Variants in STPG2 observed in about 807,000 individuals in gnomAD.
The protein encoded by STPG2 is sperm-tail PG-rich repeat-containing protein 2.
Under a neutral mutation model 54.2 loss-of-function variants are expected in STPG2, and 56 were observed. The observed-to-expected ratio is 1.03, with a 90% CI of 0.83 to 1.29. STPG2 has a LOEUF of 1.29. STPG2 is among the 50% of genes most tolerant of loss of function. The probability of loss-of-function intolerance (pLI) is 0.00; values close to 1 mark genes in which losing one functional copy is unlikely to be tolerated. For synonymous variants in STPG2, 200 were observed against 181.8 expected (o/e 1.10, Z -0.81); for missense variants, 596 against 544.9 (o/e 1.09, Z -0.93).
At chr4:98,117,153 T>C (rs999144763) in intron 3 of STPG2, among the ~76,000 whole-genome samples, 1 of 151,974 alleles carries the variant, frequency 6.6e-6, no homozygotes, top group Admixed American at 6.6e-5. Flanking sequence ...TCAGCTTCCA[T>C]TTATCTGAAA....
intron 8 of STPG2, among the ~76,000 whole-genome samples, chr4:97,914,285 A>G (rs1352525384): frequency 3.9e-5 from 6 of 152,312 alleles, no homozygotes; most frequent in South Asian, 2.1e-4. Context: ...CTGAAGCCCA[A>G]TTGAAAACAT....
intron 8 of STPG2, among the ~76,000 whole-genome samples, chr4:97,938,285 C>T (rs1732824717): frequency 6.6e-6 from 1 of 152,218 alleles, no homozygotes; most frequent in Non-Finnish European, 1.5e-5. Flanking sequence ...ATGGCTGCTG[C>T]CCAGCACCCC....
chr4:97,542,114 G>C (rs1042521541), intron 4 of STPG2, among the ~76,000 whole-genome samples: 3 of 152,118 alleles, frequency 2.0e-5, no homozygotes, highest in Non-Finnish European at 4.4e-5. Context: ...AGCCAAAATT[G>C]ACAAATGGGA....
chr4:98,083,331 A>T (rs1378785276), intron 5 of STPG2, among the ~76,000 whole-genome samples: 1 of 152,218 alleles, frequency 6.6e-6, no homozygotes, highest in Non-Finnish European at 1.5e-5. Context: ...ATCAGAATTA[A>T]TTTTTTCCAA....
intron 10 of STPG2, among the ~76,000 whole-genome samples, chr4:97,683,617 C>G (rs573899623): frequency 1.3e-5 from 2 of 151,342 alleles, no homozygotes; most frequent in East Asian, 3.9e-4. Flanking sequence ...TGGGAAGCTC[C>G]TCAACTTGAA....
At chr4:98,104,528 A>C (rs1739134337) in intron 5 of STPG2, among the ~76,000 whole-genome samples, 1 of 152,070 alleles carries the variant, frequency 6.6e-6, no homozygotes, top group African/African-American at 2.4e-5. Context: ...CAAATCTTCA[A>C]TTTTAAGCAA....
intron 9 of STPG2, among the ~76,000 whole-genome samples, chr4:97,757,051 C>T (rs1686246695): frequency 6.6e-6 from 1 of 151,972 alleles, no homozygotes. Flanking sequence ...CATTTAAAGC[C>T]CCCTGAACTT....
intron 4 of STPG2, among the ~76,000 whole-genome samples, chr4:97,539,988 G>A (rs2148860535): frequency 6.6e-6 from 1 of 152,268 alleles, no homozygotes; most frequent in Non-Finnish European, 1.5e-5. Context: ...TGTGTAGAGG[G>A]AAATTTATGG....
At chr4:97,500,285 T>C (rs898551380) in intron 4 of STPG2, among the ~76,000 whole-genome samples, 3 of 151,884 alleles carry the variant, frequency 2.0e-5, no homozygotes, top group Non-Finnish European at 2.9e-5. Flanking sequence ...ACCCGGAAAA[T>C]AAAAATGTAG....
At chr4:97,786,046 C>T (rs1303529777) in intron 9 of STPG2, among the ~76,000 whole-genome samples, 1 of 152,034 alleles carries the variant, frequency 6.6e-6, no homozygotes, top group Non-Finnish European at 1.5e-5. Flanking sequence ...CTATGATTTA[C>T]ACACAATAAA....
intron 10 of STPG2, among the ~76,000 whole-genome samples, chr4:97,641,182 C>T (rs1219573580): frequency 6.6e-6 from 1 of 151,470 alleles, no homozygotes; most frequent in Non-Finnish European, 1.5e-5. Flanking sequence ...AAGCAAGAGG[C>T]AAAACTTCTC....
chr4:97,676,571 AAGGAAAGGAG>A (rs1436696703), intron 10 of STPG2, among the ~76,000 whole-genome samples: 1 of 124,316 alleles, frequency 8.0e-6, no homozygotes, highest in African/African-American at 3.2e-5. Flanking sequence ...GGAAGGAAGG[AAGGAAAGGAG>A]GGAGGGAGGG....
intron 7 of STPG2, among the ~76,000 whole-genome samples, chr4:97,968,926 G>A (rs776770620): frequency 2.6e-5 from 4 of 152,172 alleles, no homozygotes; most frequent in Admixed American, 6.5e-5. Flanking sequence ...GTGCAGTCAG[G>A]GAGGTTTCAC....
intron 8 of STPG2, among the ~76,000 whole-genome samples, chr4:97,862,439 C>A (rs1355699873): frequency 6.6e-6 from 1 of 152,090 alleles, no homozygotes; most frequent in Non-Finnish European, 1.5e-5. Flanking sequence ...CACCCAGATT[C>A]ATAAAGCAAG....
intron 4 of STPG2, among the ~76,000 whole-genome samples, chr4:97,552,455 T>G (rs975635491): frequency 2.6e-5 from 4 of 152,142 alleles, no homozygotes; most frequent in Admixed American, 6.6e-5. Context: ...CTGTCCCTTC[T>G]TTGCCATGTT....
At chr4:97,994,726 G>T (rs529937683) in intron 5 of STPG2, among the ~76,000 whole-genome samples, 1 of 152,262 alleles carries the variant, frequency 6.6e-6, no homozygotes, top group African/African-American at 2.4e-5. Context: ...TGGACTCTGT[G>T]AGGGTCCTTG....
At chr4:98,139,815 G>A (rs575099552) in intron 1 of STPG2, among the ~76,000 whole-genome samples, 6 of 152,126 alleles carry the variant, frequency 3.9e-5, no homozygotes, top group Non-Finnish European at 8.8e-5. Flanking sequence ...TCTAAGCAAA[G>A]TTACAAGTTA....
At chr4:97,942,576 T>C (rs1733030712) in intron 8 of STPG2, among the ~76,000 whole-genome samples, 1 of 151,850 alleles carries the variant, frequency 6.6e-6, no homozygotes, top group South Asian at 2.1e-4. Context: ...CAATAATGCC[T>C]CAGAAAAAAA....
chr4:98,007,998 G>C (rs1735624283), intron 5 of STPG2, among the ~76,000 whole-genome samples: 2 of 152,024 alleles, frequency 1.3e-5, no homozygotes, highest in Admixed American at 1.3e-4. Flanking sequence ...TCCCAAGGGA[G>C]AAATAAAGCA....
Sources: gnomAD v4.1 joint callset for allele counts (sites outside exome capture counted in the v4.1 genomes callset) on GRCh38, gnomAD v4.1.1 for gene constraint, MANE v1.5 for transcripts, NCBI Gene and HGNC (gene_info 2026-07-23, HGNC 2026-07-21) for gene names.